SLC10A7: variants seen among roughly 807,000 people sequenced by gnomAD.
SLC10A7 encodes the protein solute carrier family 10 member 7.
Under a neutral mutation model 43.2 loss-of-function variants are expected in SLC10A7, and 29 were observed. The observed-to-expected ratio is 0.67, with a 90% CI of 0.50 to 0.92. The LOEUF is 0.92. SLC10A7 is among the 40% of genes least tolerant of loss of function. The pLI is 0.00. For synonymous variants in SLC10A7, 152 were observed against 144.8 expected (o/e 1.05, Z -0.35); for missense variants, 295 against 403.2 (o/e 0.73, Z 2.30).
In SLC10A7 at chr4:146,417,569, T is replaced by G. The variant is rs116620274; in HGVS notation, c.435+25214A>C. Among the ~76,000 whole-genome samples, 948 of 152,286 alleles carry G rather than the reference T, an allele frequency of 6.2e-3. 13 individuals carry two copies. The highest frequency in any genetic ancestry group is 0.022 in the African/African-American group (909 of 41,560). The stretch of plus-strand genomic sequence containing the variant: ...ACAACTTATTGTTTGCCTATCACAG[T>G]AGTATTTACAAAATTCCCAATCCAA... On this transcript the variant is annotated intron_variant, in intron 5 of 11. Coordinates refer to ENST00000335472, the MANE Select transcript of SLC10A7 (RefSeq NM_001029998.6).
At chr4:146,463,016 C>A (rs189385252) in intron 4 of SLC10A7, among the ~76,000 whole-genome samples, 3 of 152,214 alleles carry the variant, frequency 2.0e-5, no homozygotes, top group Admixed American at 2.0e-4. Flanking sequence ...TCTACAGGCA[C>A]CATTTATAAC....
intron 4 of SLC10A7, among the ~76,000 whole-genome samples, chr4:146,466,339 G>A (rs1421428664): frequency 6.6e-6 from 1 of 152,150 alleles, no homozygotes; most frequent in Non-Finnish European, 1.5e-5. Context: ...AAGAGTAAAA[G>A]CACTGATACA....
rs774519759 is a variant in SLC10A7, at chr4:146,281,396, C to CAAAAAAAA, written c.847+1788_847+1795dup. ...AGTATCCCAGAACTTGAAGTAAAAT[C>CAAAAAAAA]AAAAAAAAAAAAGAAAAATAAGAAC... On this transcript the variant is annotated intron_variant, in intron 10 of 11. Transcript: ENST00000335472. Among the ~76,000 whole-genome samples, 709 of 74,822 alleles carry CAAAAAAAA rather than the reference C, an allele frequency of 9.5e-3. 5 individuals are homozygous for CAAAAAAAA. The highest frequency in any genetic ancestry group is 0.031 in the African/African-American group (633 of 20,652). 49.1% of individuals were successfully genotyped at this position (74,822 alleles called of 152,430 possible).
intron 5 of SLC10A7, among the ~76,000 whole-genome samples, chr4:146,418,850 T>C (rs913860569): frequency 6.6e-6 from 1 of 152,348 alleles, no homozygotes; most frequent in East Asian, 1.9e-4. Context: ...AAGCTCCAGG[T>C]TGTGGCTTGT....
intron 5 of SLC10A7, among the ~76,000 whole-genome samples, chr4:146,381,293 T>C (rs1278261979): frequency 3.3e-5 from 5 of 152,080 alleles, no homozygotes; most frequent in Non-Finnish European, 7.4e-5. Context: ...GGAAATATAG[T>C]TCTCTGAAAG....
chr4:146,345,417 C>A (rs1401561553), intron 5 of SLC10A7, among the ~76,000 whole-genome samples: 2 of 152,124 alleles, frequency 1.3e-5, no homozygotes, highest in Non-Finnish European at 2.9e-5. Context: ...CTGTGGTCTA[C>A]AACATTCTGT....
At chr4:146,315,767 G>T (rs1292033186) in intron 6 of SLC10A7, among the ~76,000 whole-genome samples, 1 of 151,946 alleles carries the variant, frequency 6.6e-6, no homozygotes, top group Admixed American at 6.6e-5. Context: ...ATACACAATA[G>T]GTTTCAATAA....
chr4:146,347,304 A>C (rs1391992069), intron 5 of SLC10A7, among the ~76,000 whole-genome samples: 1 of 152,206 alleles, frequency 6.6e-6, no homozygotes, highest in Non-Finnish European at 1.5e-5. Context: ...TCATGAAAAG[A>C]TAACCAGTTA....
At chr4:146,256,643 T>A in intron 11 of SLC10A7, 123 bp from the exon 12 acceptor site, 1 of 1,133,294 alleles carries the variant, frequency 8.8e-7, no homozygotes, top group Non-Finnish European at 1.3e-6. Context: ...TGGCATCATA[T>A]AACCAATAAT....
intron 4 of SLC10A7, among the ~76,000 whole-genome samples, chr4:146,492,101 T>A (rs946870041): frequency 3.9e-5 from 6 of 151,920 alleles, no homozygotes; most frequent in African/African-American, 1.4e-4. Context: ...GCGCCTGTAG[T>A]CCCAGCTACT....
At chr4:146,424,639 G>T (rs540393261) in intron 5 of SLC10A7, among the ~76,000 whole-genome samples, 2 of 150,860 alleles carry the variant, frequency 1.3e-5, no homozygotes, top group South Asian at 4.2e-4. Context: ...TAGCCTGGGT[G>T]ACAGAGCGAG....
chr4:146,270,779 C>T (rs1193936517), intron 10 of SLC10A7, among the ~76,000 whole-genome samples: 2 of 152,174 alleles, frequency 1.3e-5, no homozygotes, highest in African/African-American at 4.8e-5. Context: ...CTAGTTTGGA[C>T]AATGAGAGCA....
chr4:146,267,900 C>T (rs1277552227), intron 10 of SLC10A7, among the ~76,000 whole-genome samples: 1 of 152,118 alleles, frequency 6.6e-6, no homozygotes, highest in Non-Finnish European at 1.5e-5. Context: ...ACCCCCTTTG[C>T]TAGAGCTCTG....
Position 146,517,038 on chromosome 4 carries a change from C to T in SLC10A7, c.183G>A (p.Glu61=). The T allele has an allele frequency of 6.3e-7, 1 of 1,592,266 alleles. No individual in the cohort carries two copies. The highest frequency in any genetic ancestry group is 1.1e-5 in the South Asian group (1 of 87,808). The change falls in exon 2 of 12, where the codon GAG becomes GAA. Residue 61 remains glutamate, a splice_region_variant and synonymous_variant. Coordinates refer to ENST00000335472, the MANE Select transcript of SLC10A7 (RefSeq NM_001029998.6). The stretch of plus-strand genomic sequence containing the variant: ...TCATGTGTCCCATAGATGACAGTAC[C>T]TCTGTTTTCAATGATAGTCCACTGT... ...FFNSGLSLKT[E]ELTSALVHLK... is the part of the protein sequence containing the mutation.
At chr4:146,293,024 G>T in intron 8 of SLC10A7, 44 bp from the exon 9 acceptor site, 1 of 1,277,578 alleles carries the variant, frequency 7.8e-7, no homozygotes, top group Non-Finnish European at 1.1e-6. Context: ...TCTAAAAGCA[G>T]TATTTGTAGC....
At chr4:146,499,628 G>A (rs1467753256) in intron 4 of SLC10A7, among the ~76,000 whole-genome samples, 2 of 152,048 alleles carry the variant, frequency 1.3e-5, no homozygotes, top group Non-Finnish European at 2.9e-5. Context: ...TCAGAAGGTA[G>A]GACCAAACTG....
chr4:146,303,455 G>A (rs2111242752), intron 7 of SLC10A7, among the ~76,000 whole-genome samples: 1 of 147,650 alleles, frequency 6.8e-6, no homozygotes, highest in East Asian at 2.0e-4. Context: ...TTGACTCACT[G>A]CAACCTCCGC....
intron 4 of SLC10A7, among the ~76,000 whole-genome samples, chr4:146,473,627 C>T (rs1430476339): frequency 6.6e-6 from 1 of 151,948 alleles, no homozygotes; most frequent in African/African-American, 2.4e-5. Flanking sequence ...GGAAAAAGTG[C>T]TTTTAGAAGT....
chr4:146,411,884 A>C (rs1728219454), intron 5 of SLC10A7, among the ~76,000 whole-genome samples: 1 of 152,130 alleles, frequency 6.6e-6, no homozygotes. Context: ...TGTCAAGTGC[A>C]GATGAAAGGA....
Sources: gnomAD v4.1 joint callset for allele counts (sites outside exome capture counted in the v4.1 genomes callset) on GRCh38, gnomAD v4.1.1 for gene constraint, MANE v1.5 for transcripts, NCBI Gene and HGNC (gene_info 2026-07-23, HGNC 2026-07-21) for gene names.